Variants in PCDHGC3 observed in about 807,000 individuals in gnomAD.
PCDHGC3 encodes protocadherin gamma-C3.
PCDHGC3 carries 26 observed loss-of-function variants against 59.2 expected under a neutral mutation model. The observed-to-expected ratio is 0.44, with a 90% confidence interval of 0.32 to 0.61. The LOEUF is 0.61. Among genes scored for constraint, PCDHGC3 ranks in the 20% least tolerant of loss-of-function variants. The pLI, the probability that PCDHGC3 is intolerant of heterozygous loss-of-function variation, is 0.05. For synonymous variants in PCDHGC3, 487 were observed against 519.7 expected, an observed-to-expected ratio of 0.94 and a Z score of 0.86; for missense variants, 1,080 against 1,221.8, an observed-to-expected ratio of 0.88 and a Z score of 1.73.
In PCDHGC3 at chr5:141,486,718, A is replaced by G; in HGVS notation, c.2431-8089A>G. 6.2e-7 allele frequency: 1 copy of G among 1,614,106 alleles called. No individual in the cohort carries two copies. The highest frequency in any genetic ancestry group is 1.7e-5 in the Admixed American group (1 of 60,022). On this transcript the variant is annotated intron_variant, in intron 1 of 3. Coordinates refer to ENST00000308177, the MANE Select transcript of PCDHGC3 (RefSeq NM_002588.4). This position sits in a 1 kb window ranked among gnomAD's most constrained non-coding sequence, Gnocchi z 5.0. Reference sequence around the variant, plus strand: ...TCATCTCTCTGAACCCCCAGACAGGAGCTGTTCATGCTACTCGATCCTTTG... The same window carrying G: ...TCATCTCTCTGAACCCCCAGACAGGGGCTGTTCATGCTACTCGATCCTTTG...
chr5:141,490,951 T>G lies in PCDHGC3; in HGVS notation c.2431-3856T>G, dbSNP rs778168052. On this transcript the variant is annotated intron_variant, in intron 1 of 3. Transcript: ENST00000308177. The surrounding 1 kb of genome is among the most constrained non-coding windows in gnomAD (Gnocchi z 5.4). ...AGCTGTGCTGCACCCACGGCCAGACTGGGAACACTCAGCCCCCCAGCGTCT... is the reference window on the plus strand; with the variant it reads ...AGCTGTGCTGCACCCACGGCCAGACGGGGAACACTCAGCCCCCCAGCGTCT... The G allele has an allele frequency of 6.2e-7, 1 of 1,613,638 alleles. No individual in the cohort carries two copies. The highest frequency in any genetic ancestry group is 1.3e-5 in the African/African-American group (1 of 74,900).
Position 141,476,708 on chromosome 5 carries a change from T to C in PCDHGC3, c.592T>C (p.Leu198=), listed in dbSNP as rs1205987380. The C allele has an allele frequency of 1.2e-6, 2 of 1,614,150 alleles. No homozygotes were observed. The highest frequency in any genetic ancestry group is 8.5e-7 in the Non-Finnish European group (1 of 1,180,024). ...EDSTKYAELV[L]ERALDREREP... ...CAGCACCAAGTACGCGGAGCTGGTG[T>C]TGGAGCGCGCCCTGGACCGAGAACG... The change falls in exon 1 of 4, where the codon TTG becomes CTG. Residue 198 remains leucine (L), a synonymous_variant. Coordinates refer to ENST00000308177, the MANE Select transcript of PCDHGC3 (RefSeq NM_002588.4). The surrounding 1 kb of genome is among the most constrained non-coding windows in gnomAD (Gnocchi z 7.6).
At chr5:141,492,778 G>A (rs2099743821) in intron 1 of PCDHGC3, among the ~76,000 whole-genome samples, 1 of 152,250 alleles carries the variant, frequency 6.6e-6, no homozygotes, top group South Asian at 2.1e-4. Context: ...GAGTGAGTGA[G>A]CCTCTATAGG....
In PCDHGC3 at chr5:141,485,068, T is replaced by C; in HGVS notation, c.2430+6522T>C. On this transcript the variant is annotated intron_variant, in intron 1 of 3. Transcript: ENST00000308177. The surrounding 1 kb of genome is among the most constrained non-coding windows in gnomAD (Gnocchi z 5.7). ...GGCGCCGGCCGAACCGCGCCAGAGCTGGCGCGGGGAAAGGGAGATAGGTGT... is the reference window on the plus strand; with the variant it reads ...GGCGCCGGCCGAACCGCGCCAGAGCCGGCGCGGGGAAAGGGAGATAGGTGT... 1 of 896,972 alleles carries C rather than the reference T, an allele frequency of 1.1e-6. No homozygotes were observed. The highest frequency in any genetic ancestry group is 1.6e-5 in the South Asian group (1 of 61,812). The allele number at this position is 896,972 out of a possible 1,614,324, so 55.6% of individuals were successfully genotyped here. A position where few individuals can be genotyped will look rare whatever the true frequency, so the allele number is the denominator to read the frequency against.
chr5:141,492,122 C>G (rs2154587050), intron 1 of PCDHGC3, among the ~76,000 whole-genome samples: 1 of 152,328 alleles, frequency 6.6e-6, no homozygotes, highest in Admixed American at 6.5e-5. Context: ...GATTTCTCCC[C>G]AGCTCCCAGC....
chr5:141,491,496 C>T lies in PCDHGC3; in HGVS notation c.2431-3311C>T, dbSNP rs372523924. ...AGTCCAGCCCCAACCTGCAGGTGAG[C>T]TCGGACGGCACGCTCAAGTACATGG... On this transcript the variant is annotated intron_variant, in intron 1 of 3. Transcript: ENST00000308177. This position sits in a 1 kb window ranked among gnomAD's most constrained non-coding sequence, Gnocchi z 6.9. 2.9e-5 allele frequency: 47 copies of T among 1,614,004 alleles called. No individual in the cohort carries two copies. Among genetic ancestry groups the T allele is most frequent in the Non-Finnish European group, 3.7e-5 (44 of 1,180,026 alleles).
rs769652961 is a variant in PCDHGC3, at chr5:141,489,435, A to G, written c.2431-5372A>G. ...CAGATCTGTTGAGCCGGCGGCTGCAATTGGGCTCTGAGGAGAATGGGCGCT... is the reference window on the plus strand; with the variant it reads ...CAGATCTGTTGAGCCGGCGGCTGCAGTTGGGCTCTGAGGAGAATGGGCGCT... On this transcript the variant is annotated intron_variant, in intron 1 of 3. Coordinates refer to ENST00000308177, the MANE Select transcript of PCDHGC3 (RefSeq NM_002588.4). This position sits in a 1 kb window ranked among gnomAD's most constrained non-coding sequence, Gnocchi z 4.5. 2 of 1,614,138 alleles carry G rather than the reference A, an allele frequency of 1.2e-6. No homozygotes were observed. The highest frequency in any genetic ancestry group is 1.7e-6 in the Non-Finnish European group (2 of 1,180,024).
chr5:141,484,004 G>C (rs1042457090), intron 1 of PCDHGC3, among the ~76,000 whole-genome samples: 5 of 146,164 alleles, frequency 3.4e-5, no homozygotes, highest in Non-Finnish European at 4.5e-5. Flanking sequence ...AGGTCTGGAT[G>C]AGGGTGGGGG....
chr5:141,481,502 T>G (rs1425241526), intron 1 of PCDHGC3, among the ~76,000 whole-genome samples: 1 of 152,232 alleles, frequency 6.6e-6, no homozygotes, highest in Non-Finnish European at 1.5e-5. Context: ...TTGCATGGTA[T>G]GTGAATTATG....
chr5:141,482,086 T>C (rs1435200188), intron 1 of PCDHGC3, among the ~76,000 whole-genome samples: 6 of 93,070 alleles, frequency 6.4e-5, no homozygotes, highest in African/African-American at 3.7e-4. Flanking sequence ...ACTCACTCCA[T>C]CTCAAAAAAA....
chr5:141,480,265 A>G (rs1041908141), intron 1 of PCDHGC3, among the ~76,000 whole-genome samples: 2 of 151,784 alleles, frequency 1.3e-5, no homozygotes, highest in African/African-American at 2.4e-5. Context: ...ATGTGTTTTC[A>G]TTAGCTGGGT....
At position 141,489,257 on chromosome 5, in the gene PCDHGC3, T is replaced by TC. The variant is rs773157586; in HGVS notation, c.2431-5547dup. The stretch of plus-strand genomic sequence containing the variant: ...TTCTGGGTCATGGGGCCCAAGACAC[T>TC]CCCACAGCTCGCTGGGAAATGGCAA... On this transcript the variant is annotated intron_variant, in intron 1 of 3. Coordinates refer to ENST00000308177, the MANE Select transcript of PCDHGC3 (RefSeq NM_002588.4). The surrounding 1 kb of genome is among the most constrained non-coding windows in gnomAD (Gnocchi z 4.5). 1 of 1,550,308 alleles carries TC rather than the reference T, an allele frequency of 6.5e-7. No homozygotes were observed. Among genetic ancestry groups the TC allele is most frequent in the Non-Finnish European group, 8.7e-7 (1 of 1,148,342 alleles).
intron 1 of PCDHGC3, among the ~76,000 whole-genome samples, chr5:141,480,895 A>G (rs1275670492): frequency 6.6e-6 from 1 of 152,048 alleles, no homozygotes; most frequent in African/African-American, 2.4e-5. Flanking sequence ...AAATGCAAAC[A>G]TTAGCTGGGC....
At position 141,505,499 on chromosome 5, in the gene PCDHGC3, G is replaced by A. The variant is rs753203943; in HGVS notation, c.2578+18G>A. ...CGCCAGTGGTAAGTGGTGTCAGTGT[G>A]TGTATGGAAGAGTGGGAGACCTGGG... is the stretch of plus-strand genomic sequence containing the variant. On this transcript the variant is annotated intron_variant, in intron 3 of 3. Transcript: ENST00000308177. 6.2e-7 allele frequency: 1 copy of A among 1,614,172 alleles called. No homozygotes were observed. The highest frequency in any genetic ancestry group is 8.5e-7 in the Non-Finnish European group (1 of 1,179,982).
rs761149166 is a variant in PCDHGC3 at position 141,510,977 on chromosome 5, G to C, written c.2609G>C (p.Gly870Ala). Residue 870 changes from glycine to alanine, a missense_variant, in exon 4 of 4, where the codon GGG (glycine) becomes GCG (alanine). Coordinates refer to ENST00000308177, the MANE Select transcript of PCDHGC3 (RefSeq NM_002588.4). Reference protein sequence around the residue: ...EAADGSSTLGGGAGTMGLSAR... With the variant: ...EAADGSSTLGAGAGTMGLSAR... ...GCTGATGGGAGCTCCACCCTGGGAG[G>C]GGGTGCCGGCACCATGGGATTGAGC... 9 of 1,614,052 alleles carry C rather than the reference G, an allele frequency of 5.6e-6. No individual in the cohort carries two copies. The Admixed American group carries it at 1.3e-4, about 24-fold the overall frequency.
intron 1 of PCDHGC3, chr5:141,478,871 T>C: frequency 2.4e-6 from 3 of 1,274,796 alleles, no homozygotes; most frequent in Non-Finnish European, 3.1e-6. Flanking sequence ...GCGATCAGAG[T>C]TTAGCTTGGT....
At chr5:141,501,755 G>C (rs2099810889) in intron 2 of PCDHGC3, among the ~76,000 whole-genome samples, 1 of 152,116 alleles carries the variant, frequency 6.6e-6, no homozygotes, top group Non-Finnish European at 1.5e-5. Context: ...GAAGCTCTCA[G>C]TAAATGGTTA....
At chr5:141,497,272 T>G (rs568198729) in intron 2 of PCDHGC3, among the ~76,000 whole-genome samples, 20 of 152,254 alleles carry the variant, frequency 1.3e-4, no homozygotes, top group African/African-American at 4.3e-4. Flanking sequence ...CTAGGCCATT[T>G]ATGTTCCCTC....
At chr5:141,502,768 T>C (rs1389860952) in intron 2 of PCDHGC3, among the ~76,000 whole-genome samples, 1 of 152,154 alleles carries the variant, frequency 6.6e-6, no homozygotes, top group East Asian at 1.9e-4. Context: ...GCTGGTATTC[T>C]TCTGAAAATT....
Sources: gnomAD v4.1 joint callset for allele counts (sites outside exome capture counted in the v4.1 genomes callset) on GRCh38, gnomAD v4.1.1 for gene constraint, Gnocchi (gnomAD v3.1) non-coding constraint, MANE v1.5 for transcripts, NCBI Gene and HGNC (gene_info 2026-07-23, HGNC 2026-07-21) for gene names.